The following ZDHHC9 variants were observed in gnomAD, a reference collection of about 807,000 sequenced individuals.
ZDHHC9 encodes palmitoyltransferase ZDHHC9.
In ZDHHC9, 3 loss-of-function variants were observed where a neutral mutation model predicts 26.6. The observed-to-expected ratio is 0.11, with a 90% confidence interval of 0.05 to 0.29. The LOEUF is 0.29. Ranked by LOEUF, ZDHHC9 falls within the 10% of genes least tolerant of loss-of-function variation. The pLI is 1.00. For missense variants in ZDHHC9, 146 were observed against 296.4 expected (o/e 0.49, Z 3.73); for synonymous variants, 111 against 109.4 (o/e 1.01, Z -0.09).
chrX:129,823,372 G>A (rs1927934812), intron 5 of ZDHHC9: 1 of 299,132 alleles, frequency 3.3e-6, no homozygotes, highest in East Asian at 6.7e-5. Flanking sequence ...ATGTAAGGTG[G>A]GTCCCACATG....
rs750639240 is a variant in ZDHHC9, at chrX:129,810,579, A to C, written c.978+326T>G. ...CTTTCCTCATCAAGGCACTTTTCAC[A>C]ATGTTGAGCAATGGCCTGTTTACTT... On this transcript the variant is annotated intron_variant, in intron 10 of 10. Coordinates refer to ENST00000357166, the MANE Select transcript of ZDHHC9 (RefSeq NM_016032.4). Among the ~76,000 whole-genome samples, 3 of 110,796 alleles carry C rather than the reference A, an allele frequency of 2.7e-5. No homozygotes were observed. The South Asian group carries it at 1.1e-3, about 42-fold the overall frequency.
At chrX:129,825,255 C>T (rs1389872142) in intron 4 of ZDHHC9, among the ~76,000 whole-genome samples, 1 of 109,499 alleles carries the variant, frequency 9.1e-6, no homozygotes, top group Non-Finnish European at 1.9e-5. Flanking sequence ...ACAGAGCGAG[C>T]AAGACTCCAA....
At chrX:129,817,117 T>A (rs1927773957) in intron 5 of ZDHHC9, among the ~76,000 whole-genome samples, 1 of 110,918 alleles carries the variant, frequency 9.0e-6, no homozygotes, top group Admixed American at 9.6e-5. Flanking sequence ...TCAGGTGAAA[T>A]GCCCGCCTCA....
intron 5 of ZDHHC9, among the ~76,000 whole-genome samples, chrX:129,817,688 C>A (rs1927788165): frequency 9.0e-6 from 1 of 110,574 alleles, no homozygotes; most frequent in Non-Finnish European, 1.9e-5. Flanking sequence ...TATGAATTTG[C>A]CCATTCTAGA....
rs375903402 is a variant in ZDHHC9, at chrX:129,807,013, C to T, written c.979-527G>A. ...TAACCTAGATTGTTACAATTTGAGT[C>T]CAGACTCATTTAAAAAATAATATTA... On this transcript the variant is annotated intron_variant, in intron 10 of 10. Coordinates refer to ENST00000357166, the MANE Select transcript of ZDHHC9 (RefSeq NM_016032.4). Among the ~76,000 whole-genome samples, 17 of 111,802 alleles carry T rather than the reference C, an allele frequency of 1.5e-4. 1 individual carries two copies. Among genetic ancestry groups the T allele is most frequent in the African/African-American group, 5.5e-4 (17 of 30,726 alleles).
intron 10 of ZDHHC9, among the ~76,000 whole-genome samples, chrX:129,806,848 C>T (rs139232288): frequency 0.012 from 1,342 of 111,583 alleles, 23 homozygotes; most frequent in African/African-American, 0.042. Context: ...TGTTTCTGCC[C>T]GAACACACAG....
chrX:129,811,278 T>A (rs1797307544), intron 9 of ZDHHC9, 128 bp downstream of exon 9: 1 of 561,888 alleles, frequency 1.8e-6, no homozygotes, highest in Admixed American at 3.1e-5. Context: ...TGGTACCAAG[T>A]GGCAAGCCCT....
chrX:129,816,688 G>A (rs1198538622), intron 5 of ZDHHC9, among the ~76,000 whole-genome samples: 1 of 110,066 alleles, frequency 9.1e-6, no homozygotes, highest in East Asian at 2.8e-4. Context: ...GTGAGAATAG[G>A]GTAAAATGGA....
intron 8 of ZDHHC9, among the ~76,000 whole-genome samples, chrX:129,812,460 T>C (rs1411399751): frequency 1.8e-5 from 2 of 112,425 alleles, no homozygotes; most frequent in African/African-American, 3.2e-5. Flanking sequence ...AGGCACCAGC[T>C]AGCCTTTAAG....
Position 129,817,996 on chromosome X carries a change from C to T in ZDHHC9, c.488-3201G>A, listed in dbSNP as rs754960307. Among the ~76,000 whole-genome samples, 35 of 111,277 alleles carry T rather than the reference C, an allele frequency of 3.1e-4. No homozygotes were observed. The Middle Eastern group carries it at 0.014, about 44-fold the overall frequency. ...GCTATTGTTATGGAATGAACTGTACCCCCACTCCCCAGTTCCATATGTTGA... is the reference window on the plus strand; with the variant it reads ...GCTATTGTTATGGAATGAACTGTACTCCCACTCCCCAGTTCCATATGTTGA... On this transcript the variant is annotated intron_variant, in intron 5 of 10. Transcript: ENST00000357166.
chrX:129,813,755 A>C (rs1433822772), intron 6 of ZDHHC9, 30 bp from the exon 7 acceptor site: 1 of 1,170,894 alleles, frequency 8.5e-7, no homozygotes. Flanking sequence ...AGTAGAGAGA[A>C]AAATTAGTGA....
At chrX:129,812,893 C>T (rs1368301098) in intron 7 of ZDHHC9, 73 bp from the exon 8 acceptor site, 3 of 698,336 alleles carry the variant, frequency 4.3e-6, no homozygotes. Context: ...ATTCAGAGCA[C>T]CAGTCAGACC....
chrX:129,812,383 C>G (rs1405541864), intron 8 of ZDHHC9, among the ~76,000 whole-genome samples: 1 of 112,662 alleles, frequency 8.9e-6, no homozygotes, highest in Non-Finnish European at 1.9e-5. Flanking sequence ...CCACACCCAG[C>G]CTAATTGGTA....
intron 3 of ZDHHC9, among the ~76,000 whole-genome samples, chrX:129,832,162 T>TTA (rs889561331): frequency 2.6e-4 from 28 of 108,379 alleles, no homozygotes; most frequent in Non-Finnish European, 2.9e-4. Context: ...ATATATATCT[T>TTA]TATATATATA....
At chrX:129,810,878 A>G in intron 10 of ZDHHC9, 27 bp downstream of exon 10, 1 of 1,174,701 alleles carries the variant, frequency 8.5e-7, no homozygotes, top group Non-Finnish European at 1.2e-6. Flanking sequence ...CTCTATATCG[A>G]CCCAGCCTTA....
intron 3 of ZDHHC9, among the ~76,000 whole-genome samples, chrX:129,836,682 G>C (rs1253684254): frequency 2.7e-5 from 3 of 112,101 alleles, no homozygotes; most frequent in African/African-American, 9.7e-5. Context: ...TGGCAGCAGG[G>C]ACCAGGAGTG....
Position 129,811,698 on chromosome X carries a change from C to A in ZDHHC9, c.778-189G>T, listed in dbSNP as rs185375347. Among the ~76,000 whole-genome samples the A allele has an allele frequency of 5.4e-3, 603 of 111,429 alleles. 2 individuals carry two copies. The highest frequency in any genetic ancestry group is 0.028 in the Middle Eastern group (6 of 217). ...ATGGTTGCACAACAATGTGATGCCA[C>A]TGAACTGTACATTTAGGATATGAGG... On this transcript the variant is annotated intron_variant, in intron 8 of 10. Transcript: ENST00000357166.
At chrX:129,839,297 G>A (rs750380683) in intron 3 of ZDHHC9, among the ~76,000 whole-genome samples, 1 of 103,900 alleles carries the variant, frequency 9.6e-6, no homozygotes, top group East Asian at 3.0e-4. Context: ...TGCAACCTCC[G>A]CCTCCCAGGT....
rs182392300 is a variant in ZDHHC9, at chrX:129,839,804, C to T, written c.167+1975G>A. On this transcript the variant is annotated intron_variant, in intron 3 of 10. Coordinates refer to ENST00000357166, the MANE Select transcript of ZDHHC9 (RefSeq NM_016032.4). ...GTCCTCTCCTCTGTGGTCACATTTC[C>T]ACCTCCCCCCTCCACTCCTCTGCTA... 2.2e-3 allele frequency among the ~76,000 whole-genome samples: 243 copies of T among 111,135 alleles called. 1 individual carries two copies. Among genetic ancestry groups the T allele is most frequent in the African/African-American group, 7.2e-3 (220 of 30,518 alleles).
Sources: allele counts gnomAD v4.1 joint callset (sites outside exome capture counted in the v4.1 genomes callset), GRCh38; gene constraint gnomAD v4.1.1; transcripts MANE v1.5; gene names NCBI Gene and HGNC (gene_info 2026-07-23, HGNC 2026-07-21).